Variants in FSTL5 observed in about 807,000 individuals in gnomAD.
FSTL5 encodes follistatin-related protein 5.
Under a neutral mutation model 89.1 loss-of-function variants are expected in FSTL5, and 62 were observed. That is an observed-to-expected ratio of 0.70 (90% CI 0.57 to 0.86). The LOEUF is 0.86. Ranked by LOEUF, FSTL5 falls within the 40% of genes least tolerant of loss-of-function variation. FSTL5 has a pLI of 0.00. For missense variants in FSTL5, 1,057 were observed against 1,001.6 expected (o/e 1.06, Z -0.75); for synonymous variants, 383 against 346.2 (o/e 1.11, Z -1.18).
intron 4 of FSTL5, among the ~76,000 whole-genome samples, chr4:161,876,720 A>T (rs1465381225): frequency 2.0e-5 from 3 of 152,134 alleles, no homozygotes; most frequent in African/African-American, 7.2e-5. Flanking sequence ...AGCCTGGGTG[A>T]CAGAGAAAGA....
intron 6 of FSTL5, among the ~76,000 whole-genome samples, chr4:161,711,696 T>C (rs1738787266): frequency 6.6e-6 from 1 of 152,016 alleles, no homozygotes; most frequent in Non-Finnish European, 1.5e-5. Context: ...TTAACAACAG[T>C]ATCCCTTATG....
chr4:162,068,196 A>T (rs183671815), intron 2 of FSTL5, among the ~76,000 whole-genome samples: 3 of 152,234 alleles, frequency 2.0e-5, no homozygotes, highest in Admixed American at 2.0e-4. Context: ...AATTAGAAAA[A>T]ACTATTTTAA....
At chr4:161,771,144 A>G (rs752295311) in intron 5 of FSTL5, among the ~76,000 whole-genome samples, 5 of 152,064 alleles carry the variant, frequency 3.3e-5, no homozygotes, top group Non-Finnish European at 5.9e-5. Flanking sequence ...GGCTGCTTAC[A>G]GTATTTGTTT....
chr4:161,676,463 T>G (rs1209032035), intron 6 of FSTL5, among the ~76,000 whole-genome samples: 1 of 151,608 alleles, frequency 6.6e-6, no homozygotes, highest in Non-Finnish European at 1.5e-5. Context: ...TGAGAACACA[T>G]GGACACAGGG....
intron 8 of FSTL5, among the ~76,000 whole-genome samples, 192 bp from the exon 9 acceptor site, chr4:161,542,885 G>A (rs1731880875): frequency 6.6e-6 from 1 of 151,880 alleles, no homozygotes; most frequent in South Asian, 2.1e-4. Flanking sequence ...AAACTATTCT[G>A]GGATTTTGCT....
intron 6 of FSTL5, among the ~76,000 whole-genome samples, chr4:161,685,604 T>A (rs1286736668): frequency 6.6e-6 from 1 of 152,234 alleles, no homozygotes; most frequent in East Asian, 1.9e-4. Flanking sequence ...TTAGCTTACA[T>A]TAATTTTGTA....
At chr4:161,827,529 CT>C (rs1730704022) in intron 4 of FSTL5, among the ~76,000 whole-genome samples, 1 of 152,156 alleles carries the variant, frequency 6.6e-6, no homozygotes, top group South Asian at 2.1e-4. Flanking sequence ...AGAACACGCC[CT>C]TTGTCTTCGA....
At chr4:161,681,329 T>C (rs1342845770) in intron 6 of FSTL5, among the ~76,000 whole-genome samples, 5 of 152,226 alleles carry the variant, frequency 3.3e-5, no homozygotes, top group African/African-American at 1.2e-4. Context: ...ATATAAAATC[T>C]AATTAGGAAA....
In FSTL5 at chr4:161,735,846, TAA is replaced by T. The variant is rs565289019; in HGVS notation, c.727+23563_727+23564del. On this transcript the variant is annotated intron_variant, in intron 6 of 15. Transcript: ENST00000306100. ...ACATGGTAATATATGTTGATTCTTA[TAA>T]AGAGTGCAGGTTATAAATCTTATTT... Among the ~76,000 whole-genome samples, 9 of 152,242 alleles carry T rather than the reference TAA, an allele frequency of 5.9e-5. No individual in the cohort carries two copies. The East Asian group carries it at 1.7e-3, about 29-fold the overall frequency.
At chr4:161,452,590 T>C (rs1733209568) in intron 15 of FSTL5, among the ~76,000 whole-genome samples, 1 of 152,190 alleles carries the variant, frequency 6.6e-6, no homozygotes, top group South Asian at 2.1e-4. Flanking sequence ...CCTTACATAG[T>C]TAACAGTTTA....
intron 3 of FSTL5, among the ~76,000 whole-genome samples, chr4:161,936,097 T>C (rs913017216): frequency 6.6e-6 from 1 of 152,140 alleles, no homozygotes; most frequent in African/African-American, 2.4e-5. Context: ...TGAGATTCGC[T>C]TGAACCCAGG....
intron 3 of FSTL5, among the ~76,000 whole-genome samples, chr4:161,943,160 T>C (rs922083611): frequency 6.6e-6 from 1 of 151,988 alleles, no homozygotes; most frequent in Non-Finnish European, 1.5e-5. Context: ...ATTATAACAC[T>C]GTATAAAAAA....
chr4:161,726,312 C>A (rs1303161444), intron 6 of FSTL5, among the ~76,000 whole-genome samples: 1 of 148,116 alleles, frequency 6.8e-6, no homozygotes, highest in African/African-American at 2.5e-5. Context: ...CTGCTACCTC[C>A]GCCTCCCGGG....
At chr4:162,139,050 A>C (rs1445243926) in intron 1 of FSTL5, among the ~76,000 whole-genome samples, 1 of 152,102 alleles carries the variant, frequency 6.6e-6, no homozygotes, top group Non-Finnish European at 1.5e-5. Context: ...TAAAATCTTA[A>C]TAGGTTTCTT....
intron 2 of FSTL5, among the ~76,000 whole-genome samples, chr4:162,107,755 A>C (rs1484622511): frequency 6.6e-6 from 1 of 152,048 alleles, no homozygotes; most frequent in Non-Finnish European, 1.5e-5. Context: ...CTTTACTATC[A>C]TCATCGTCTT....
chr4:161,791,664 G>T (rs1442113850), intron 4 of FSTL5, among the ~76,000 whole-genome samples: 1 of 152,152 alleles, frequency 6.6e-6, no homozygotes, highest in Non-Finnish European at 1.5e-5. Flanking sequence ...GGTATCAGTA[G>T]AAAATTCATT....
At chr4:161,693,705 C>A (rs927310374) in intron 6 of FSTL5, among the ~76,000 whole-genome samples, 1 of 135,318 alleles carries the variant, frequency 7.4e-6, no homozygotes, top group African/African-American at 2.7e-5. Context: ...GTGGCGCGAT[C>A]TCAGCTCACT....
At chr4:162,087,073 T>C (rs945174480) in intron 2 of FSTL5, among the ~76,000 whole-genome samples, 2 of 152,222 alleles carry the variant, frequency 1.3e-5, no homozygotes, top group South Asian at 2.1e-4. Context: ...AAGCTTCTTA[T>C]AAAATGCAGC....
intron 4 of FSTL5, among the ~76,000 whole-genome samples, chr4:161,802,753 A>C (rs12498221): frequency 1.3e-5 from 2 of 151,632 alleles, no homozygotes; most frequent in Non-Finnish European, 3.0e-5. Context: ...ATATGTGGAT[A>C]ACAAGATTGA....
Sources: gnomAD v4.1 joint callset for allele counts (sites outside exome capture counted in the v4.1 genomes callset) on GRCh38, gnomAD v4.1.1 for gene constraint, MANE v1.5 for transcripts, NCBI Gene and HGNC (gene_info 2026-07-23, HGNC 2026-07-21) for gene names.